Variants in PAN3 observed in about 807,000 individuals in gnomAD.
PAN3 encodes the protein poly(A) specific ribonuclease subunit PAN3.
Under a neutral mutation model 96.2 loss-of-function variants are expected in PAN3, and 19 were observed. The observed-to-expected ratio is 0.20, with a 90% confidence interval of 0.14 to 0.29. PAN3 has a LOEUF of 0.29. Among genes scored for constraint, PAN3 ranks in the 10% least tolerant of loss-of-function variants. PAN3 has a pLI of 1.00. For missense variants in PAN3, 882 were observed against 1,108.1 expected (o/e 0.80, Z 2.90); for synonymous variants, 433 against 406.6 (o/e 1.06, Z -0.78).
At chr13:28,278,534 A>G (rs1408140641) in intron 15 of PAN3, among the ~76,000 whole-genome samples, 1 of 152,184 alleles carries the variant, frequency 6.6e-6, no homozygotes, top group Admixed American at 6.5e-5. Context: ...GATTCATTAT[A>G]TTACTATTCT....
intron 4 of PAN3, among the ~76,000 whole-genome samples, chr13:28,182,839 ATC>A (rs1236031954): frequency 6.6e-6 from 1 of 152,170 alleles, no homozygotes; most frequent in African/African-American, 2.4e-5. Flanking sequence ...AAGAGCACCC[ATC>A]TCTCTCTGTT....
Position 28,138,760 on chromosome 13 carries a change from G to A in PAN3, c.103G>A (p.Gly35Ser). Residue 35 changes from glycine (G) to serine (S), a missense_variant, in exon 1 of 19, where the codon GGT becomes AGT. Coordinates refer to ENST00000380958, the MANE Select transcript of PAN3 (RefSeq NM_175854.8). ...GGTGGTGGCCCCGCCGGGGGTCGGG[G>A]GTGTCCCCGGCGGGGCGGCGGTAGG... is the stretch of plus-strand genomic sequence containing the variant. ...VAVVAPPGVG[G>S]VPGGAAVGVK... is the part of the protein sequence containing the mutation. 7.4e-7 allele frequency: 1 copy of A among 1,348,340 alleles called. No homozygotes were observed. Among genetic ancestry groups the A allele is most frequent in the Non-Finnish European group, 9.5e-7 (1 of 1,052,658 alleles). The allele number at this position is 1,348,340 out of a possible 1,614,324, so 83.5% of individuals were successfully genotyped here. A position where few individuals can be genotyped will look rare whatever the true frequency, so the allele number is the denominator to read the frequency against.
chr13:28,138,605 GTGGCGGCGGCGGCTCCTC>G lies in PAN3; in HGVS notation c.-52_-35del, dbSNP rs1566125054. ...TTCCTTTCCTCCCCCGTCTATGGTG[GTGGCGGCGGCGGCTCCTC>G]GGGCGGCGGCGGAAGACGAGGCTGC... On this transcript the variant is annotated 5_prime_UTR_variant, in exon 1 of 19. Coordinates refer to ENST00000380958, the MANE Select transcript of PAN3 (RefSeq NM_175854.8). The G allele has an allele frequency of 2.1e-5, 10 of 479,936 alleles. No individual in the cohort carries two copies. The highest frequency in any genetic ancestry group is 1.4e-5 in the Non-Finnish European group (4 of 278,994). The allele number at this position is 479,936 out of a possible 1,614,324, so 29.7% of individuals were successfully genotyped here.
At chr13:28,182,712 A>G (rs1875957601) in intron 4 of PAN3, among the ~76,000 whole-genome samples, 2 of 152,124 alleles carry the variant, frequency 1.3e-5, no homozygotes, top group South Asian at 4.1e-4. Context: ...TGTGGTTGCT[A>G]GAGGTACAGT....
chr13:28,197,384 A>AT (rs1429008208), intron 5 of PAN3, 38 bp downstream of exon 5: 1 of 1,521,274 alleles, frequency 6.6e-7, no homozygotes, highest in Non-Finnish European at 8.9e-7. Context: ...TTGAAAGTGA[A>AT]TGTCTTGGCT....
At chr13:28,213,765 G>A (rs1240543497) in intron 5 of PAN3, among the ~76,000 whole-genome samples, 1 of 149,082 alleles carries the variant, frequency 6.7e-6, no homozygotes, top group Non-Finnish European at 1.5e-5. Flanking sequence ...TCACAACTTC[G>A]TAATAGAAAA....
In PAN3 at chr13:28,138,552, C is replaced by G. The variant is rs138028125; in HGVS notation, c.-106C>G. 0.023 allele frequency: 9,763 copies of G among 421,696 alleles called. 170 individuals are homozygous for G. The highest frequency in any genetic ancestry group is 0.031 in the Non-Finnish European group (7,430 of 239,310). 26.1% of individuals were successfully genotyped at this position (421,696 alleles called of 1,614,324 possible). On this transcript the variant is annotated 5_prime_UTR_variant, in exon 1 of 19. Transcript: ENST00000380958. Reference sequence around the variant, plus strand: ...CCGCAGCGGGACAGACCCACCCGCCCAGGCTTTTATCCGGCACCGGCAGCG... The same window carrying G: ...CCGCAGCGGGACAGACCCACCCGCCGAGGCTTTTATCCGGCACCGGCAGCG...
At chr13:28,221,489 A>G (rs1881408005) in intron 6 of PAN3, among the ~76,000 whole-genome samples, 1 of 152,204 alleles carries the variant, frequency 6.6e-6, no homozygotes, top group Non-Finnish European at 1.5e-5. Flanking sequence ...ATACTCATAT[A>G]TCTAATTCAA....
intron 1 of PAN3, among the ~76,000 whole-genome samples, chr13:28,148,963 ATG>A (rs754324682): frequency 2.2e-4 from 33 of 152,116 alleles, no homozygotes; most frequent in Non-Finnish European, 4.4e-4. Context: ...TTAATGTACT[ATG>A]TATATTTATT....
intron 1 of PAN3, among the ~76,000 whole-genome samples, chr13:28,173,897 T>A (rs1021684032): frequency 2.6e-5 from 4 of 152,220 alleles, no homozygotes; most frequent in Non-Finnish European, 4.4e-5. Flanking sequence ...AGAAACAGTC[T>A]TGAGAAAATT....
intron 4 of PAN3, among the ~76,000 whole-genome samples, chr13:28,182,593 T>C (rs546523601): frequency 6.6e-6 from 1 of 152,314 alleles, no homozygotes; most frequent in Admixed American, 6.5e-5. Context: ...TTTTGAAGTA[T>C]CATGTTTATC....
At chr13:28,241,262 CAAAA>C (rs961409766) in intron 6 of PAN3, among the ~76,000 whole-genome samples, 2 of 151,584 alleles carry the variant, frequency 1.3e-5, no homozygotes, top group African/African-American at 2.4e-5. Context: ...AACGCTGTTT[CAAAA>C]AAAGGACAAA....
chr13:28,290,663 CAA>C (rs551260214), intron 18 of PAN3, among the ~76,000 whole-genome samples: 16 of 152,158 alleles, frequency 1.1e-4, no homozygotes, highest in East Asian at 1.9e-4. Context: ...GCCTGGGCAA[CAA>C]GAGCAAAACT....
chr13:28,239,678 T>A, intron 6 of PAN3: 4 of 1,288,020 alleles, frequency 3.1e-6, no homozygotes, highest in Non-Finnish European at 4.1e-6. Flanking sequence ...TTGGGCAGCG[T>A]TGGACAGCTC....
intron 4 of PAN3, among the ~76,000 whole-genome samples, chr13:28,182,132 A>C (rs1875869934): frequency 6.6e-6 from 1 of 152,246 alleles, no homozygotes; most frequent in Admixed American, 6.5e-5. Context: ...TATCTTTACA[A>C]CAGAGTTAGA....
At chr13:28,160,454 G>A (rs1390821837) in intron 1 of PAN3, among the ~76,000 whole-genome samples, 3 of 152,094 alleles carry the variant, frequency 2.0e-5, no homozygotes, top group Non-Finnish European at 4.4e-5. Flanking sequence ...AGGGAGGCAA[G>A]GATAACTAAG....
At chr13:28,147,562 G>A (rs1870830976) in intron 1 of PAN3, among the ~76,000 whole-genome samples, 1 of 152,178 alleles carries the variant, frequency 6.6e-6, no homozygotes, top group Admixed American at 6.5e-5. Context: ...TTACCTGACA[G>A]CACAGTATAC....
At chr13:28,173,919 C>T (rs1386387158) in intron 1 of PAN3, among the ~76,000 whole-genome samples, 1 of 152,132 alleles carries the variant, frequency 6.6e-6, no homozygotes, top group Non-Finnish European at 1.5e-5. Context: ...CTTCTGTTTA[C>T]CATCCAGTGA....
chr13:28,153,232 C>CTTTTTTT (rs10651877), intron 1 of PAN3, among the ~76,000 whole-genome samples: 7 of 101,512 alleles, frequency 6.9e-5, no homozygotes, highest in African/African-American at 1.3e-4. Context: ...GTATAATACG[C>CTTTTTTT]TTTTTTTTTT....
Sources: allele counts gnomAD v4.1 joint callset (sites outside exome capture counted in the v4.1 genomes callset), GRCh38; gene constraint gnomAD v4.1.1; transcripts MANE v1.5; gene names NCBI Gene and HGNC (gene_info 2026-07-23, HGNC 2026-07-21).